LINGO2: variants seen among roughly 807,000 people sequenced by gnomAD.
LINGO2 encodes leucine rich repeat and Ig domain containing 2.
Under a neutral mutation model 30.6 loss-of-function variants are expected in LINGO2, and 14 were observed. That is an observed-to-expected ratio of 0.46 (90% CI 0.30 to 0.72). LINGO2 has a LOEUF of 0.72. LINGO2 is among the 30% of genes least tolerant of loss of function. The pLI, the probability that LINGO2 is intolerant of heterozygous loss-of-function variation, is 0.07. For synonymous variants in LINGO2, 317 were observed against 288.5 expected, an observed-to-expected ratio of 1.10 and a Z score of -1.00; for missense variants, 729 against 751.7, an observed-to-expected ratio of 0.97 and a Z score of 0.35.
chr9:28,521,944 TAGA>T (rs1409652718), intron 1 of LINGO2, among the ~76,000 whole-genome samples: 2 of 152,190 alleles, frequency 1.3e-5, no homozygotes, highest in Non-Finnish European at 2.9e-5. Flanking sequence ...CACCACAAGC[TAGA>T]AGAAGCAAGG....
At chr9:28,693,141 T>C in the LINGO2 span, among the ~76,000 whole-genome samples, 2 of 152,130 alleles carry the variant, frequency 1.3e-5, no homozygotes, top group African/African-American at 2.4e-5. Flanking sequence ...TTTTGTGCTT[T>C]AGTCATAGCC....
intron 4 of LINGO2, among the ~76,000 whole-genome samples, chr9:28,132,752 A>G (rs1051247907): frequency 6.6e-6 from 1 of 152,180 alleles, no homozygotes; most frequent in East Asian, 1.9e-4. Flanking sequence ...CTGTTGTTCC[A>G]CTTTGTGTTA....
At chr9:28,718,202 G>C in the LINGO2 span, among the ~76,000 whole-genome samples, 1 of 151,652 alleles carries the variant, frequency 6.6e-6, no homozygotes, top group Non-Finnish European at 1.5e-5. Context: ...AACCATGTGA[G>C]ACTTTAGGTT....
At chr9:28,902,522 T>G in the LINGO2 span, among the ~76,000 whole-genome samples, 15 of 152,122 alleles carry the variant, frequency 9.9e-5, no homozygotes, top group Non-Finnish European at 2.1e-4. Context: ...AATCTGCACT[T>G]TAGGCCAGAT....
intron 4 of LINGO2, among the ~76,000 whole-genome samples, chr9:28,236,111 T>C (rs907948003): frequency 1.3e-5 from 2 of 151,958 alleles, no homozygotes; most frequent in Non-Finnish European, 2.9e-5. Flanking sequence ...TAACATACAA[T>C]GGCACTCCAG....
chr9:28,876,282 G>A, the LINGO2 span, among the ~76,000 whole-genome samples: 1 of 151,156 alleles, frequency 6.6e-6, no homozygotes, highest in Non-Finnish European at 1.5e-5. Context: ...TAAGTTTTAC[G>A]GTACATGTGC....
At chr9:28,479,162 G>T (rs924517625) in intron 1 of LINGO2, among the ~76,000 whole-genome samples, 1 of 151,946 alleles carries the variant, frequency 6.6e-6, no homozygotes, top group African/African-American at 2.4e-5. Flanking sequence ...TTACAAAAAT[G>T]AACTATTAAT....
At chr9:28,272,879 C>G (rs1822990330) in intron 4 of LINGO2, among the ~76,000 whole-genome samples, 1 of 152,078 alleles carries the variant, frequency 6.6e-6, no homozygotes, top group East Asian at 1.9e-4. Flanking sequence ...GGACAGGTAC[C>G]CCCATCTTCT....
the LINGO2 span, among the ~76,000 whole-genome samples, chr9:28,892,614 T>C: frequency 6.6e-6 from 1 of 151,886 alleles, no homozygotes; most frequent in South Asian, 2.1e-4. Flanking sequence ...AAAAAGACAA[T>C]TTCTCTTGAC....
At chr9:28,183,990 AGCCCT>A (rs1819451383) in intron 4 of LINGO2, among the ~76,000 whole-genome samples, 1 of 152,224 alleles carries the variant, frequency 6.6e-6, no homozygotes. Context: ...TGGGCCTCAC[AGCCCT>A]TCTCAACAAA....
At chr9:28,789,382 T>A in the LINGO2 span, among the ~76,000 whole-genome samples, 1 of 152,182 alleles carries the variant, frequency 6.6e-6, no homozygotes, top group African/African-American at 2.4e-5. Context: ...ACTAGATAAC[T>A]GAGAACATTT....
chr9:28,475,552 G>A (rs931700809), intron 2 of LINGO2, among the ~76,000 whole-genome samples: 6 of 152,144 alleles, frequency 3.9e-5, no homozygotes, highest in African/African-American at 1.4e-4. Flanking sequence ...TATGTGAAAA[G>A]TATTAAGTAT....
intron 4 of LINGO2, among the ~76,000 whole-genome samples, chr9:28,016,741 C>A (rs962981852): frequency 1.3e-5 from 2 of 148,716 alleles, no homozygotes; most frequent in African/African-American, 2.5e-5. Flanking sequence ...GGCAGACTCA[C>A]AGCTGAATTC....
At chr9:28,411,842 C>A (rs1204862047) in intron 2 of LINGO2, among the ~76,000 whole-genome samples, 4 of 152,072 alleles carry the variant, frequency 2.6e-5, no homozygotes, top group African/African-American at 9.7e-5. Context: ...AGAATCACCG[C>A]ATTGTTTTCC....
chr9:28,536,700 C>T (rs997099948), intron 1 of LINGO2, among the ~76,000 whole-genome samples: 1 of 152,002 alleles, frequency 6.6e-6, no homozygotes, highest in Non-Finnish European at 1.5e-5. Context: ...ATATCAACAA[C>T]GAGCAATCAA....
chr9:28,168,944 A>T (rs1193224832), intron 4 of LINGO2, among the ~76,000 whole-genome samples: 1 of 152,212 alleles, frequency 6.6e-6, no homozygotes, highest in Non-Finnish European at 1.5e-5. Context: ...ATGAATAACA[A>T]GCACTTACTG....
At chr9:29,018,437 C>T in the LINGO2 span, among the ~76,000 whole-genome samples, 989 of 152,000 alleles carry the variant, frequency 6.5e-3, 15 homozygotes, top group African/African-American at 0.023. Flanking sequence ...ACTTCTACAT[C>T]AACCCTATAA....
At chr9:29,007,882 T>C in the LINGO2 span, among the ~76,000 whole-genome samples, 1 of 151,954 alleles carries the variant, frequency 6.6e-6, no homozygotes, top group Non-Finnish European at 1.5e-5. Flanking sequence ...CATTTAAGAG[T>C]AGCCAACATG....
intron 5 of LINGO2, among the ~76,000 whole-genome samples, chr9:27,969,234 G>T (rs564343208): frequency 6.6e-6 from 1 of 151,944 alleles, no homozygotes; most frequent in African/African-American, 2.4e-5. Context: ...AGTCATTTCA[G>T]GCTTTAACTT....
Sources: gnomAD v4.1 joint callset for allele counts (sites outside exome capture counted in the v4.1 genomes callset) on GRCh38, gnomAD v4.1.1 for gene constraint, MANE v1.5 for transcripts, NCBI Gene and HGNC (gene_info 2026-07-23, HGNC 2026-07-21) for gene names.